Variants in NRG3 observed in about 807,000 individuals in gnomAD.
The protein encoded by NRG3 is pro-neuregulin-3, membrane-bound isoform.
NRG3 carries 31 observed loss-of-function variants against 66.9 expected under a neutral mutation model. That is an observed-to-expected ratio of 0.46 (90% CI 0.35 to 0.63). NRG3 has a LOEUF of 0.63. Ranked by LOEUF, NRG3 falls within the 20% of genes least tolerant of loss-of-function variation. The pLI is 0.00. For missense variants in NRG3, 910 were observed against 878.9 expected (o/e 1.04, Z -0.45); for synonymous variants, 393 against 359.4 (o/e 1.09, Z -1.06).
chr10:82,325,665 T>C (rs2081835763), intron 1 of NRG3, among the ~76,000 whole-genome samples: 1 of 152,120 alleles, frequency 6.6e-6, no homozygotes, highest in South Asian at 2.1e-4. Flanking sequence ...TTTCTTTGTT[T>C]TATTATTTTC....
chr10:81,932,986 G>A (rs368799242), intron 1 of NRG3, among the ~76,000 whole-genome samples: 45 of 151,870 alleles, frequency 3.0e-4, no homozygotes, highest in African/African-American at 1.0e-3. Context: ...GTGGGCACCT[G>A]TAATCCCAGC....
chr10:81,925,176 C>T (rs1846648675), intron 1 of NRG3, among the ~76,000 whole-genome samples: 1 of 152,178 alleles, frequency 6.6e-6, no homozygotes, highest in Admixed American at 6.5e-5. Context: ...TATTAAAGAG[C>T]TGTCCAAAGA....
chr10:82,357,650 A>G (rs2083866272), intron 1 of NRG3, among the ~76,000 whole-genome samples: 1 of 152,018 alleles, frequency 6.6e-6, no homozygotes, highest in Non-Finnish European at 1.5e-5. Context: ...TGAACAGCCA[A>G]CAGTTCCATC....
At chr10:82,653,381 G>A (rs1453440456) in intron 2 of NRG3, among the ~76,000 whole-genome samples, 1 of 152,108 alleles carries the variant, frequency 6.6e-6, no homozygotes, top group Non-Finnish European at 1.5e-5. Flanking sequence ...TTTAGTGGAG[G>A]GCTCAAAGAA....
chr10:82,375,391 A>G (rs6584683), intron 2 of NRG3, among the ~76,000 whole-genome samples: 65,435 of 151,414 alleles, frequency 0.43, 18,165 homozygotes, highest in African/African-American at 0.79. Context: ...CAAAAAATTA[A>G]CCGGGCGTGG....
intron 1 of NRG3, among the ~76,000 whole-genome samples, chr10:81,990,692 G>T (rs913099660): frequency 6.6e-6 from 1 of 152,062 alleles, no homozygotes; most frequent in African/African-American, 2.4e-5. Context: ...GGAATTCCCG[G>T]AAAAGAGACT....
intron 2 of NRG3, among the ~76,000 whole-genome samples, chr10:82,559,189 C>A (rs902537698): frequency 6.6e-6 from 1 of 151,982 alleles, no homozygotes; most frequent in East Asian, 1.9e-4. Context: ...ATGGTAACCA[C>A]TGTTGATTTC....
At chr10:82,173,817 A>C (rs1434984111) in intron 1 of NRG3, among the ~76,000 whole-genome samples, 1 of 151,718 alleles carries the variant, frequency 6.6e-6, no homozygotes, top group Admixed American at 6.6e-5. Flanking sequence ...AGAAACATAG[A>C]CCCTCACTCA....
At chr10:82,199,874 A>G (rs1649938) in intron 1 of NRG3, among the ~76,000 whole-genome samples, 104,180 of 149,586 alleles carry the variant, frequency 0.7, 36,772 homozygotes, top group Middle Eastern at 0.79. Flanking sequence ...GAGAGTGTGC[A>G]TGTGTGTGTG....
chr10:82,861,261 C>T (rs1483743329), intron 3 of NRG3, among the ~76,000 whole-genome samples: 1 of 151,220 alleles, frequency 6.6e-6, no homozygotes, highest in African/African-American at 2.4e-5. Context: ...GTGTCAGTTG[C>T]CATGAATAAG....
At chr10:82,312,256 T>G (rs2134993506) in intron 1 of NRG3, among the ~76,000 whole-genome samples, 1 of 152,230 alleles carries the variant, frequency 6.6e-6, no homozygotes, top group East Asian at 1.9e-4. Flanking sequence ...TTTACATAAG[T>G]GTTGGAAGCT....
At chr10:82,859,732 A>G (rs778606941) in intron 3 of NRG3, among the ~76,000 whole-genome samples, 1 of 152,232 alleles carries the variant, frequency 6.6e-6, no homozygotes, top group Non-Finnish European at 1.5e-5. Context: ...ATTTGCTAAC[A>G]GAATACATTT....
intron 1 of NRG3, among the ~76,000 whole-genome samples, chr10:81,970,505 A>G (rs2059895861): frequency 6.6e-6 from 1 of 152,198 alleles, no homozygotes; most frequent in African/African-American, 2.4e-5. Flanking sequence ...GTAATTCTCT[A>G]TTATTTCCGT....
At chr10:82,748,541 T>C (rs780359249) in intron 3 of NRG3, among the ~76,000 whole-genome samples, 19 of 150,978 alleles carry the variant, frequency 1.3e-4, no homozygotes, top group Non-Finnish European at 2.8e-4. Flanking sequence ...GCACAATTTT[T>C]TCAATATCTT....
rs535035180 is a variant in NRG3 at position 82,537,328 on chromosome 10, A to G, written c.953+178460A>G. Reference sequence around the variant, plus strand: ...AACAGGGTATTAAAAAATGTTCTACATATCAAACCCTCCAAAACAAATTAG... The same window carrying G: ...AACAGGGTATTAAAAAATGTTCTACGTATCAAACCCTCCAAAACAAATTAG... On this transcript the variant is annotated intron_variant, in intron 2 of 8. Coordinates refer to ENST00000372141, the MANE Select transcript of NRG3 (RefSeq NM_001010848.4). Among the ~76,000 whole-genome samples, 19 of 152,316 alleles carry G rather than the reference A, an allele frequency of 1.2e-4. No homozygotes were observed. The South Asian group carries it at 3.7e-3, about 30-fold the overall frequency.
intron 3 of NRG3, among the ~76,000 whole-genome samples, chr10:82,746,162 G>A (rs1444486304): frequency 6.6e-6 from 1 of 152,176 alleles, no homozygotes; most frequent in East Asian, 1.9e-4. Context: ...AAAGTGCTGG[G>A]ATTACAGGCT....
chr10:82,622,048 A>G (rs1379335244), intron 2 of NRG3, among the ~76,000 whole-genome samples: 1 of 152,210 alleles, frequency 6.6e-6, no homozygotes, highest in Non-Finnish European at 1.5e-5. Flanking sequence ...AAATGATCAC[A>G]GCTGAGAAAT....
At chr10:82,244,349 TGTAAGAGA>T (rs1246148407) in intron 1 of NRG3, among the ~76,000 whole-genome samples, 2 of 152,154 alleles carry the variant, frequency 1.3e-5, no homozygotes, top group Non-Finnish European at 2.9e-5. Flanking sequence ...CTCTGTAGAT[TGTAAGAGA>T]AATCTAGAAT....
At chr10:82,732,744 G>A (rs147293250) in intron 2 of NRG3, among the ~76,000 whole-genome samples, 55 of 152,260 alleles carry the variant, frequency 3.6e-4, no homozygotes, top group African/African-American at 1.2e-3. Flanking sequence ...AAGAAAGGAG[G>A]CACAAAAAGG....
Sources: allele counts gnomAD v4.1 joint callset (sites outside exome capture counted in the v4.1 genomes callset), GRCh38; gene constraint gnomAD v4.1.1; transcripts MANE v1.5; gene names NCBI Gene and HGNC (gene_info 2026-07-23, HGNC 2026-07-21).